The following ABTB1 variants were observed in gnomAD, a reference collection of about 807,000 sequenced individuals.
The protein encoded by ABTB1 is ankyrin repeat and BTB/POZ domain-containing protein 1.
In ABTB1, 45 loss-of-function variants were observed where a neutral mutation model predicts 57.1. The ratio of observed to expected loss-of-function variants is 0.79; its 90% CI spans 0.62 to 1.01. The LOEUF (loss-of-function observed/expected upper bound fraction) is 1.01, where lower values mean the gene tolerates loss of function less well. Among genes scored for constraint, ABTB1 ranks in the 50% least tolerant of loss-of-function variants. The pLI, the probability that ABTB1 is intolerant of heterozygous loss-of-function variation, is 0.00. For missense variants in ABTB1, 630 were observed against 666.3 expected, an observed-to-expected ratio of 0.95 and a Z score of 0.60; for synonymous variants, 302 against 275.4, an observed-to-expected ratio of 1.10 and a Z score of -0.95.
chr3:127,677,062 T>A lies in ABTB1; in HGVS notation c.622T>A (p.Cys208Ser), dbSNP rs1359012457. 3.1e-6 allele frequency: 5 copies of A among 1,613,978 alleles called. No individual in the cohort carries two copies. Among genetic ancestry groups the A allele is most frequent in the Non-Finnish European group, 4.2e-6 (5 of 1,179,994 alleles). Residue 208 changes from cysteine to serine, a missense_variant, in exon 7 of 12, where the codon TGC (cysteine) becomes AGC (serine). Coordinates refer to ENST00000232744, the MANE Select transcript of ABTB1 (RefSeq NM_172027.3). ...CCTGCTCAGCGACCTGGAGGCCAAG[T>A]GCGAGAAGGTGTCTGAGTTTGGTGC... Reference protein sequence around the residue: ...WDLLSDLEAKCEKVSEFVASK... With the variant: ...WDLLSDLEAKSEKVSEFVASK...
Position 127,676,686 on chromosome 3 carries a change from T to C in ABTB1, c.526+105T>C. On this transcript the variant is annotated intron_variant, in intron 6 of 11. Coordinates refer to ENST00000232744, the MANE Select transcript of ABTB1 (RefSeq NM_172027.3). The surrounding 1 kb of genome is among the most constrained non-coding windows in gnomAD (Gnocchi z 5.4). ...TGACCTTTCACCTCTAGACACTTCATGGTCCCCCCGGGGTGGTTCCAGCTG... is the reference window on the plus strand; with the variant it reads ...TGACCTTTCACCTCTAGACACTTCACGGTCCCCCCGGGGTGGTTCCAGCTG... 2.7e-6 allele frequency: 4 copies of C among 1,461,320 alleles called. No homozygotes were observed. Among genetic ancestry groups the C allele is most frequent in the Non-Finnish European group, 2.8e-6 (3 of 1,053,476 alleles). 90.5% of individuals were successfully genotyped at this position (1,461,320 alleles called of 1,614,324 possible). A position where few individuals can be genotyped will look rare whatever the true frequency, so the allele number is the denominator to read the frequency against.
At position 127,677,545 on chromosome 3, in the gene ABTB1, C is replaced by G. The variant is rs1439550606; in HGVS notation, c.843C>G (p.Cys281Trp). Reference sequence around the variant, plus strand: ...ACATCTGCTTCCGAGTGGCTGGCTGCAGCTTCCTCTGCCACAAGGTGCCTG... The same window carrying G: ...ACATCTGCTTCCGAGTGGCTGGCTGGAGCTTCCTCTGCCACAAGGTGCCTG... ...CPDICFRVAG[C>W]SFLCHKAFFC... Residue 281 changes from cysteine (C) to tryptophan (W), a missense_variant, in exon 9 of 12, where the codon TGC becomes TGG. By Grantham distance (215) the Cys-to-Trp change is radical (BLOSUM62 -2). Transcript: ENST00000232744. 2 of 1,613,968 alleles carry G rather than the reference C, an allele frequency of 1.2e-6. No homozygotes were observed. Among genetic ancestry groups the G allele is most frequent in the South Asian group, 1.1e-5 (1 of 91,084 alleles).
Position 127,676,882 on chromosome 3 carries a change from G to T in ABTB1, c.527-85G>T. 7.4e-7 allele frequency: 1 copy of T among 1,356,214 alleles called. No homozygotes were observed. Among genetic ancestry groups the T allele is most frequent in the Admixed American group, 1.9e-5 (1 of 51,632 alleles). The allele number at this position is 1,356,214 out of a possible 1,614,324, so 84.0% of individuals were successfully genotyped here. A position where few individuals can be genotyped will look rare whatever the true frequency, so the allele number is the denominator to read the frequency against. ...GGAGTCCTAGTCCTGCAGCCAGGTG[G>T]CCAGGTGGGAGGGGATCACCCTTTT... On this transcript the variant is annotated intron_variant, in intron 6 of 11. Transcript: ENST00000232744. The surrounding 1 kb of genome is among the most constrained non-coding windows in gnomAD (Gnocchi z 5.4).
chr3:127,677,675 G>T lies in ABTB1; in HGVS notation c.862-1G>T. ...CACTTCCTGAGCCCGGCCTCCCCCA[G>T]GCCTTTTTCTGTGGCCGCAGTGACT... is the stretch of plus-strand genomic sequence containing the variant. On this transcript the variant is annotated splice_acceptor_variant, in intron 9 of 11. Transcript: ENST00000232744. LOFTEE classifies it high-confidence loss of function. 1.9e-6 allele frequency: 3 copies of T among 1,611,288 alleles called. No individual in the cohort carries two copies. Among genetic ancestry groups the T allele is most frequent in the Non-Finnish European group, 2.5e-6 (3 of 1,178,742 alleles).
chr3:127,673,070 G>A lies in ABTB1; in HGVS notation c.45G>A (p.Val15=), dbSNP rs1248749261. 5.7e-6 allele frequency: 9 copies of A among 1,573,964 alleles called. No individual in the cohort carries two copies. The highest frequency in any genetic ancestry group is 1.8e-5 in the Admixed American group (1 of 56,626). The change falls in exon 1 of 12, where the codon GTG becomes GTA. Residue 15 remains valine, a synonymous_variant. Coordinates refer to ENST00000232744, the MANE Select transcript of ABTB1 (RefSeq NM_172027.3). ...TCGCCAGCTGCAGGAAGGGGGATGTGGGCCGAGTGCGGTGAGGACCTCGCA... is the reference window on the plus strand; with the variant it reads ...TCGCCAGCTGCAGGAAGGGGGATGTAGGCCGAGTGCGGTGAGGACCTCGCA... ...DLFASCRKGD[V]GRVRYLLEQR...
Position 127,675,985 on chromosome 3 carries a change from C to G in ABTB1, c.191C>G (p.Ala64Gly). ...YLLANGARCE[A>G]NTFDGERCLY... The stretch of plus-strand genomic sequence containing the variant: ...CCTCCCCCAGGAGCCCGCTGCGAGG[C>G]CAACACCTTCGATGGTGAGCGCTGC... Residue 64 changes from alanine (A) to glycine (G), a missense_variant, in exon 4 of 12, where the codon GCC (alanine) becomes GGC (glycine). Transcript: ENST00000232744. 1 of 1,609,206 alleles carries G rather than the reference C, an allele frequency of 6.2e-7. No homozygotes were observed. The highest frequency in any genetic ancestry group is 1.3e-5 in the African/African-American group (1 of 74,978).
intron 3 of ABTB1, 161 bp from the exon 4 acceptor site, chr3:127,675,809 G>A: frequency 5.4e-6 from 5 of 922,522 alleles, no homozygotes; most frequent in South Asian, 1.6e-5. Flanking sequence ...CCTAGCCCTT[G>A]ACTGGGAGGG....
rs745340979 is a variant in ABTB1 at position 127,677,514 on chromosome 3, G to T, written c.812G>T (p.Cys271Phe). The T allele has an allele frequency of 1.1e-5, 18 of 1,613,962 alleles. No individual in the cohort carries two copies. The highest frequency in any genetic ancestry group is 1.5e-5 in the Non-Finnish European group (18 of 1,180,030). Residue 271 changes from cysteine to phenylalanine, a missense_variant, in exon 9 of 12, where the codon TGC (cysteine) becomes TTC (phenylalanine). By Grantham distance (205) the Cys-to-Phe change is radical. Around this residue, in one of 3 missense-constraint regions of ABTB1, gnomAD observed 579 missense variants for 585.9 expected, o/e 0.99. Coordinates refer to ENST00000232744, the MANE Select transcript of ABTB1 (RefSeq NM_172027.3). ...PFPCPDGFNS[C>F]PDICFRVAGC... ...CCTTGTCCTGACGGCTTCAACAGCT[G>T]CCCTGACATCTGCTTCCGAGTGGCT... is the stretch of plus-strand genomic sequence containing the variant.
chr3:127,676,307 T>C lies in ABTB1; in HGVS notation c.356T>C (p.Phe119Ser). The C allele has an allele frequency of 1.2e-6, 2 of 1,614,010 alleles. No individual in the cohort carries two copies. Among genetic ancestry groups the C allele is most frequent in the Non-Finnish European group, 8.5e-7 (1 of 1,179,966 alleles). The change falls in exon 5 of 12, where the codon TTT becomes TCT. Residue 119 changes from phenylalanine to serine, a missense_variant. Physicochemically the swap from Phe to Ser is radical, Grantham distance 155. Transcript: ENST00000232744. The surrounding 1 kb of genome is among the most constrained non-coding windows in gnomAD (Gnocchi z 5.4). ...LEQGIHSDVV[F>S]VVHGKPFRVH... ...CAGGGCATCCACAGTGACGTGGTCT[T>C]TGTAGTACACGGGAAGCCATTCCGG...
Position 127,676,518 on chromosome 3 carries a change from C to A in ABTB1, c.481-18C>A. 6.2e-7 allele frequency: 1 copy of A among 1,613,722 alleles called. No homozygotes were observed. Among genetic ancestry groups the A allele is most frequent in the Non-Finnish European group, 8.5e-7 (1 of 1,179,960 alleles). ...GGGTGGCTGCCTCTGACATTACTTT[C>A]TGGTTTTCTGCCCACAGATCAACCC... is the stretch of plus-strand genomic sequence containing the variant. On this transcript the variant is annotated intron_variant, in intron 5 of 11. Coordinates refer to ENST00000232744, the MANE Select transcript of ABTB1 (RefSeq NM_172027.3). The surrounding 1 kb of genome is among the most constrained non-coding windows in gnomAD (Gnocchi z 5.4).
At chr3:127,679,671 C>T in intron 10 of ABTB1, 1 of 540,846 alleles carries the variant, frequency 1.8e-6, no homozygotes, top group Non-Finnish European at 3.5e-6. Flanking sequence ...CTAGAAGTGT[C>T]AGACCCAGGT....
rs1043935562 is a variant in ABTB1, at chr3:127,679,923, T to C, written c.1030-62T>C. 7.1e-6 allele frequency: 11 copies of C among 1,553,682 alleles called. No homozygotes were observed. The African/African-American group carries it at 1.1e-4, about 15-fold the overall frequency. Reference sequence around the variant, plus strand: ...AACCACCACAGGCCCTAGCCTTGGCTGTTGTGCCCTGGGAGCCCTTGGTGA... The same window carrying C: ...AACCACCACAGGCCCTAGCCTTGGCCGTTGTGCCCTGGGAGCCCTTGGTGA... On this transcript the variant is annotated intron_variant, in intron 10 of 11. Transcript: ENST00000232744.
At chr3:127,678,968 C>T (rs993881277) in intron 10 of ABTB1, 1 of 153,966 alleles carries the variant, frequency 6.5e-6, no homozygotes, top group Non-Finnish European at 1.4e-5. Context: ...CTTGTCCATC[C>T]CTCCGCGCGG....
At position 127,680,713 on chromosome 3, in the gene ABTB1, C is replaced by G. The variant is rs766573670; in HGVS notation, c.*238C>G. 1 of 688,918 alleles carries G rather than the reference C, an allele frequency of 1.5e-6. No individual in the cohort carries two copies. The highest frequency in any genetic ancestry group is 2.6e-6 in the Non-Finnish European group (1 of 387,988). The allele number at this position is 688,918 out of a possible 1,614,324, so 42.7% of individuals were successfully genotyped here. On this transcript the variant is annotated 3_prime_UTR_variant, in exon 12 of 12. Transcript: ENST00000232744. ...GCCCCCAAGACCCTGGGGGTGGACA[C>G]CACTCAGGGAAACCTGGGGTGGGGG...
In ABTB1 at chr3:127,680,061, G is replaced by A; in HGVS notation, c.1106G>A (p.Gly369Asp). 1 of 1,613,822 alleles carries A rather than the reference G, an allele frequency of 6.2e-7. No homozygotes were observed. The highest frequency in any genetic ancestry group is 1.7e-5 in the Admixed American group (1 of 60,032). The change falls in exon 11 of 12, where the codon GGC becomes GAC. Residue 369 changes from glycine (G) to aspartate (D), a missense_variant. This residue lies in a region of ABTB1 where 579 missense variants were observed against 585.9 expected (regional missense o/e 0.99). Coordinates refer to ENST00000232744, the MANE Select transcript of ABTB1 (RefSeq NM_172027.3). The stretch of plus-strand genomic sequence containing the variant: ...CTGCCAGGCCTGAAGAGGCTGTGCG[G>A]CCGCAGCCTGGCTCAGATGCTAGAC... ...YLLPGLKRLC[G>D]RSLAQMLDED...
In ABTB1 at chr3:127,676,008, T is replaced by C; in HGVS notation, c.214T>C (p.Cys72Arg). ...GGCCAACACCTTCGATGGTGAGCGC[T>C]GCCTCTATGGGGCACTGAGTGACCC... ...CEANTFDGER[C>R]LYGALSDPIR... Residue 72 changes from cysteine (C) to arginine (R), a missense_variant, in exon 4 of 12, where the codon TGC becomes CGC. Around this residue, in one of 3 missense-constraint regions of ABTB1, gnomAD observed 579 missense variants for 585.9 expected, o/e 0.99. Coordinates refer to ENST00000232744, the MANE Select transcript of ABTB1 (RefSeq NM_172027.3). The surrounding 1 kb of genome is among the most constrained non-coding windows in gnomAD (Gnocchi z 5.4). 6.2e-7 allele frequency: 1 copy of C among 1,612,278 alleles called. No individual in the cohort carries two copies. The highest frequency in any genetic ancestry group is 1.1e-5 in the South Asian group (1 of 90,992).
chr3:127,680,777 C>G lies in ABTB1; in HGVS notation c.*302C>G, dbSNP rs749198335. The G allele has an allele frequency of 1.2e-5, 8 of 663,692 alleles. No individual in the cohort carries two copies. Among genetic ancestry groups the G allele is most frequent in the African/African-American group, 1.8e-5 (1 of 55,656 alleles). 41.1% of individuals were successfully genotyped at this position (663,692 alleles called of 1,614,324 possible). A position where few individuals can be genotyped will look rare whatever the true frequency, so the allele number is the denominator to read the frequency against. ...TAGCACTTTCCTTCTCCAGATCCCC[C>G]CTACCCACCCCAGTCCCAAATCCAG... On this transcript the variant is annotated 3_prime_UTR_variant, in exon 12 of 12. Coordinates refer to ENST00000232744, the MANE Select transcript of ABTB1 (RefSeq NM_172027.3).
chr3:127,675,301 T>C (rs911959158), intron 3 of ABTB1, among the ~76,000 whole-genome samples: 4 of 145,670 alleles, frequency 2.7e-5, no homozygotes, highest in African/African-American at 1.0e-4. Flanking sequence ...AGAGTCTTGC[T>C]CTGTCACCCA....
rs753656512 is a variant in ABTB1, at chr3:127,680,178, T to C, written c.1223T>C (p.Ile408Thr). The C allele has an allele frequency of 3.2e-5, 51 of 1,613,628 alleles. 1 individual carries two copies. Among genetic ancestry groups the C allele is most frequent in the South Asian group, 2.3e-4 (21 of 91,080 alleles). ...DQCTEYMAKV[I>T]EKLVEREDFV... is the part of the protein sequence containing the mutation. The stretch of plus-strand genomic sequence containing the variant: ...TGCACTGAGTACATGGCCAAGGTCA[T>C]TGAGAAGGTGGGCCAGTGGTCTGCA... Residue 408 changes from isoleucine (I) to threonine (T), a missense_variant, in exon 11 of 12, where the codon ATT (isoleucine) becomes ACT (threonine). By Grantham distance (89) the Ile-to-Thr change is moderately conservative. Coordinates refer to ENST00000232744, the MANE Select transcript of ABTB1 (RefSeq NM_172027.3).
Sources: allele counts gnomAD v4.1 joint callset (sites outside exome capture counted in the v4.1 genomes callset), GRCh38; gene constraint gnomAD v4.1.1; regional missense constraint gnomAD v4.1.1; non-coding constraint Gnocchi (gnomAD v3.1); transcripts MANE v1.5; gene names NCBI Gene and HGNC (gene_info 2026-07-23, HGNC 2026-07-21).